VPS35L: variants seen among roughly 807,000 people sequenced by gnomAD.
VPS35L encodes VPS35 endosomal protein sorting factor like, also known as VPS35 endosomal protein-sorting factor-like.
In VPS35L, 83 loss-of-function variants were observed where a neutral mutation model predicts 133.0. The observed-to-expected ratio is 0.62, with a 90% CI of 0.52 to 0.75. The LOEUF is 0.75. VPS35L is among the 30% of genes least tolerant of loss of function. VPS35L has a pLI of 0.00. For synonymous variants in VPS35L, 423 were observed against 449.9 expected, an observed-to-expected ratio of 0.94 and a Z score of 0.76; for missense variants, 1,083 against 1,206.8, an observed-to-expected ratio of 0.90 and a Z score of 1.52.
In VPS35L at chr16:19,679,134, T is replaced by TGGGG. The variant is rs910975859; in HGVS notation, c.2362-3087_2362-3084dup. Among the ~76,000 whole-genome samples the TGGGG allele has an allele frequency of 3.8e-3, 5 of 1,328 alleles. No individual in the cohort carries two copies. The South Asian group carries it at 0.081, about 21-fold the overall frequency. The allele number at this position is 1,328 out of a possible 152,430, so 0.9% of individuals were successfully genotyped here. ...AAAACAGCTGTTAGCAAAAGAAGGC[T>TGGGG]GGGGGGGCGGGGGTGGGGAGGCGGG... is the stretch of plus-strand genomic sequence containing the variant. On this transcript the variant is annotated intron_variant, in intron 27 of 30. Coordinates refer to ENST00000417362, the MANE Select transcript of VPS35L (RefSeq NM_020314.7).
rs142430310 is a variant in VPS35L, at chr16:19,651,134, G to A, written c.2106+675G>A. ...TGTCCTCAAGTGATCTGCCCGCCTC[G>A]GCCTCCCAAAGTGCTGGGATTACAG... is the stretch of plus-strand genomic sequence containing the variant. On this transcript the variant is annotated intron_variant, in intron 25 of 30. Transcript: ENST00000417362. Among the ~76,000 whole-genome samples the A allele has an allele frequency of 4.5e-3, 678 of 151,712 alleles. 3 individuals are homozygous for A. The highest frequency in any genetic ancestry group is 0.031 in the South Asian group (148 of 4,788).
In VPS35L at chr16:19,610,387, C is replaced by T. The variant is rs372253776; in HGVS notation, c.995C>T (p.Ser332Leu). 11 of 1,613,954 alleles carry T rather than the reference C, an allele frequency of 6.8e-6. No individual in the cohort carries two copies. The highest frequency in any genetic ancestry group is 1.3e-5 in the African/African-American group (1 of 74,894). ...MIRGIGDPLV[S>L]VYARAYLCRV... Reference sequence around the variant, plus strand: ...AGAGGGATCGGAGACCCACTAGTGTCGGTGTATGCCCGTGCCTACCTGTGC... The same window carrying T: ...AGAGGGATCGGAGACCCACTAGTGTTGGTGTATGCCCGTGCCTACCTGTGC... The change falls in exon 12 of 31, where the codon TCG (serine) becomes TTG (leucine). Residue 332 changes from serine to leucine, a missense_variant. By Grantham distance (145) the Ser-to-Leu change is moderately radical (BLOSUM62 -2). Coordinates refer to ENST00000417362, the MANE Select transcript of VPS35L (RefSeq NM_020314.7).
chr16:19,656,075 C>A (rs974067785), intron 26 of VPS35L, among the ~76,000 whole-genome samples: 2 of 151,756 alleles, frequency 1.3e-5, no homozygotes, highest in Non-Finnish European at 2.9e-5. Flanking sequence ...CCAGCCTGGC[C>A]AACATGGTGA....
chr16:19,649,861 C>A (rs994259028), intron 24 of VPS35L, among the ~76,000 whole-genome samples: 1 of 152,132 alleles, frequency 6.6e-6, no homozygotes, highest in African/African-American at 2.4e-5. Context: ...ATAGTATCCA[C>A]CCTGGGATTA....
Position 19,616,194 on chromosome 16 carries a change from A to G in VPS35L, c.1101+3A>G, listed in dbSNP as rs201653504. ...ACTTCCTCCTTACGTTCAAACAGGT[A>G]AGAGAACACTATCAGAATAGCTCAT... On this transcript the variant is annotated splice_donor_region_variant and intron_variant, in intron 13 of 30. Coordinates refer to ENST00000417362, the MANE Select transcript of VPS35L (RefSeq NM_020314.7). 1.8e-3 allele frequency: 2,890 copies of G among 1,603,036 alleles called. 9 individuals carry two copies. The highest frequency in any genetic ancestry group is 2.0e-3 in the Non-Finnish European group (2,372 of 1,170,202).
chr16:19,613,376 T>A (rs1267784648), intron 12 of VPS35L, among the ~76,000 whole-genome samples: 1 of 152,120 alleles, frequency 6.6e-6, no homozygotes, highest in Non-Finnish European at 1.5e-5. Flanking sequence ...ACCCAGTTCA[T>A]ACTACTTTAA....
intron 14 of VPS35L, among the ~76,000 whole-genome samples, chr16:19,624,526 G>GGGCA (rs1418288099): frequency 6.6e-6 from 1 of 152,016 alleles, no homozygotes; most frequent in Non-Finnish European, 1.5e-5. Context: ...CGGAGGTTCT[G>GGGCA]GTGAGCCGAG....
At chr16:19,590,738 C>T (rs1295902239) in intron 7 of VPS35L, among the ~76,000 whole-genome samples, 2 of 151,828 alleles carry the variant, frequency 1.3e-5, no homozygotes, top group African/African-American at 4.8e-5. Context: ...TGCTTGAGGT[C>T]AGGAGTTCAA....
intron 5 of VPS35L, among the ~76,000 whole-genome samples, chr16:19,576,182 A>C (rs1193142286): frequency 1.0e-4 from 10 of 97,618 alleles, no homozygotes; most frequent in African/African-American, 2.3e-4. Flanking sequence ...AAAAAAAAAC[A>C]AAAAAAAAAA....
intron 1 of VPS35L, among the ~76,000 whole-genome samples, chr16:19,557,677 C>G (rs1970905029): frequency 6.6e-6 from 1 of 152,096 alleles, no homozygotes; most frequent in African/African-American, 2.4e-5. Flanking sequence ...GCTACCACAC[C>G]CGGCCCGTGC....
intron 8 of VPS35L, among the ~76,000 whole-genome samples, chr16:19,597,131 G>A (rs948433392): frequency 6.6e-6 from 1 of 152,098 alleles, no homozygotes; most frequent in Admixed American, 6.6e-5. Flanking sequence ...CACTTTGGGA[G>A]GCTGAGGCAG....
intron 15 of VPS35L, 104 bp from the exon 16 acceptor site, chr16:19,627,590 C>T (rs1348426733): frequency 4.5e-5 from 40 of 895,556 alleles, no homozygotes; most frequent in South Asian, 2.4e-4. Context: ...CCAACCCTAC[C>T]GCTAAAGAGC....
intron 1 of VPS35L, among the ~76,000 whole-genome samples, chr16:19,561,794 G>A (rs1404839362): frequency 6.6e-6 from 1 of 152,054 alleles, no homozygotes; most frequent in Admixed American, 6.6e-5. Context: ...AATGAGAAGT[G>A]CACATGTCTT....
intron 7 of VPS35L, among the ~76,000 whole-genome samples, chr16:19,588,195 T>C (rs8049982): frequency 0.03 from 3,741 of 124,876 alleles, 155 homozygotes; most frequent in African/African-American, 0.12. Flanking sequence ...ATGTATTTAT[T>C]TATTGAGACA....
chr16:19,642,379 C>A lies in VPS35L; in HGVS notation c.1785-17C>A, dbSNP rs1973813442. 12 of 1,609,332 alleles carry A rather than the reference C, an allele frequency of 7.5e-6. No individual in the cohort carries two copies. The highest frequency in any genetic ancestry group is 1.0e-5 in the Non-Finnish European group (12 of 1,176,924). On this transcript the variant is annotated splice_polypyrimidine_tract_variant and intron_variant, in intron 21 of 30. Transcript: ENST00000417362. ...CAGTGGACAAAACTTTGACTTTTAT[C>A]TTTAAATGTCTCCTAGGCATCAACA... is the stretch of plus-strand genomic sequence containing the variant.
Position 19,581,668 on chromosome 16 carries a change from T to TCCC in VPS35L, c.639+18_639+20dup, listed in dbSNP as rs5816059. Reference sequence around the variant, plus strand: ...TAGTCATCCAGGTTAGCTCTAGTGATCCCCCACCCCCACCCAGAATTTCCT... The same window carrying TCCC: ...TAGTCATCCAGGTTAGCTCTAGTGATCCCCCCCCACCCCCACCCAGAATTTCCT... On this transcript the variant is annotated intron_variant, in intron 7 of 30. Transcript: ENST00000417362. The TCCC allele has an allele frequency of 1.9e-5, 31 of 1,607,564 alleles. No individual in the cohort carries two copies. The highest frequency in any genetic ancestry group is 1.4e-4 in the African/African-American group (10 of 72,908).
At chr16:19,579,319 G>A (rs1211987578) in intron 6 of VPS35L, 191 bp downstream of exon 6, 2 of 547,784 alleles carry the variant, frequency 3.7e-6, no homozygotes. Flanking sequence ...AAGCCTGACT[G>A]GGGCTGCTTT....
intron 22 of VPS35L, among the ~76,000 whole-genome samples, chr16:19,644,616 C>T (rs1483798000): frequency 6.6e-6 from 1 of 152,128 alleles, no homozygotes; most frequent in Non-Finnish European, 1.5e-5. Flanking sequence ...GCCCAAGTTC[C>T]AAAGAAGTGA....
At chr16:19,667,525 G>A (rs1036316020) in intron 26 of VPS35L, among the ~76,000 whole-genome samples, 2 of 152,088 alleles carry the variant, frequency 1.3e-5, no homozygotes, top group African/African-American at 4.8e-5. Context: ...CTTGAGCTCA[G>A]GAGTTTGGGA....
Sources: gnomAD v4.1 joint callset for allele counts (sites outside exome capture counted in the v4.1 genomes callset) on GRCh38, gnomAD v4.1.1 for gene constraint, MANE v1.5 for transcripts, NCBI Gene and HGNC (gene_info 2026-07-23, HGNC 2026-07-21) for gene names.